The following KDM4B variants were observed in gnomAD, a reference collection of about 807,000 sequenced individuals.
KDM4B encodes the protein lysine-specific demethylase 4B.
A neutral mutation model predicts 125.2 loss-of-function variants in KDM4B; 32 were observed. The observed-to-expected ratio is 0.26, with a 90% CI of 0.19 to 0.34. The LOEUF (loss-of-function observed/expected upper bound fraction) is 0.34, where lower values mean the gene tolerates loss of function less well. Among genes scored for constraint, KDM4B ranks in the 10% least tolerant of loss-of-function variants. The probability of loss-of-function intolerance (pLI) is 1.00; values close to 1 mark genes in which losing one functional copy is unlikely to be tolerated. For synonymous variants in KDM4B, 721 were observed against 677.9 expected (o/e 1.06, Z -0.99); for missense variants, 1,190 against 1,577.7 (o/e 0.75, Z 4.16).
intron 1 of KDM4B, among the ~76,000 whole-genome samples, chr19:4,974,738 C>CA (rs796667578): frequency 0.11 from 7,390 of 69,208 alleles, 683 homozygotes; most frequent in African/African-American, 0.29. Context: ...ACTCTGTCTC[C>CA]AAAAAAAAAA....
In KDM4B at chr19:5,152,017, C is replaced by T. The variant is rs1212513852; in HGVS notation, c.*506C>T. 1 of 152,544 alleles carries T rather than the reference C, an allele frequency of 6.6e-6. No individual in the cohort carries two copies. Among genetic ancestry groups the T allele is most frequent in the Non-Finnish European group, 1.5e-5 (1 of 68,298 alleles). The allele number at this position is 152,544 out of a possible 1,614,324, so 9.4% of individuals were successfully genotyped here. Reference sequence around the variant, plus strand: ...ACCAGGATTCTCTGAGAGGTCAGAGCATCTCGCTGTTTTTTTGTTGTTGTT... The same window carrying T: ...ACCAGGATTCTCTGAGAGGTCAGAGTATCTCGCTGTTTTTTTGTTGTTGTT... On this transcript the variant is annotated 3_prime_UTR_variant, in exon 23 of 23. Transcript: ENST00000159111.
rs571783975 is a variant in KDM4B at position 4,985,628 on chromosome 19, C to T, written c.-109+16398C>T. Among the ~76,000 whole-genome samples, 5 of 152,342 alleles carry T rather than the reference C, an allele frequency of 3.3e-5. No individual in the cohort carries two copies. The East Asian group carries it at 5.8e-4, about 18-fold the overall frequency. ...GATGGAATTAAGGGATCTGGCCCCG[C>T]GTGCTGTGCCGGGTGAGAGGCGGGT... On this transcript the variant is annotated intron_variant, in intron 1 of 22. Transcript: ENST00000159111.
chr19:5,135,634 C>A, intron 15 of KDM4B, 73 bp downstream of exon 15: 6 of 1,311,368 alleles, frequency 4.6e-6, no homozygotes, highest in Non-Finnish European at 6.3e-6. Flanking sequence ...GGTGGGGGCT[C>A]CATCCTCCCC....
intron 1 of KDM4B, among the ~76,000 whole-genome samples, chr19:4,987,487 G>T (rs558416750): frequency 3.9e-5 from 6 of 152,098 alleles, no homozygotes; most frequent in South Asian, 2.1e-4. Flanking sequence ...CCGGAGGGGG[G>T]TTATCTCGGG....
chr19:5,047,425 AGGTTCT>A (rs780932462), intron 5 of KDM4B, 45 bp from the exon 6 acceptor site: 2 of 1,521,476 alleles, frequency 1.3e-6, no homozygotes, highest in African/African-American at 2.8e-5. Flanking sequence ...CAGGGCTCGC[AGGTTCT>A]GGGGGTGGCC....
chr19:5,062,174 C>T (rs529555342), intron 6 of KDM4B, among the ~76,000 whole-genome samples: 83 of 152,342 alleles, frequency 5.4e-4, no homozygotes, highest in Non-Finnish European at 1.6e-4. Flanking sequence ...GACATCTCCT[C>T]TCCCTCTCTC....
rs559750736 is a variant in KDM4B, at chr19:4,992,089, C to T, written c.-109+22859C>T. 1.7e-4 allele frequency among the ~76,000 whole-genome samples: 26 copies of T among 152,136 alleles called. 1 individual carries two copies. The South Asian group carries it at 4.6e-3, about 27-fold the overall frequency. On this transcript the variant is annotated intron_variant, in intron 1 of 22. Coordinates refer to ENST00000159111, the MANE Select transcript of KDM4B (RefSeq NM_015015.3). ...ATCCAAGGTTGCCAGGGCCTGGGGG[C>T]GACAGAGTGGAAGCAGAGTGAGTTC...
intron 1 of KDM4B, among the ~76,000 whole-genome samples, chr19:4,985,702 G>C (rs1568207250): frequency 6.6e-6 from 1 of 152,258 alleles, no homozygotes; most frequent in Non-Finnish European, 1.5e-5. Flanking sequence ...TGGAAGCCTG[G>C]ATGGTGAGCG....
At chr19:5,028,131 C>T (rs553591360) in intron 2 of KDM4B, among the ~76,000 whole-genome samples, 3 of 152,216 alleles carry the variant, frequency 2.0e-5, no homozygotes. Flanking sequence ...ACCACCATGC[C>T]TGGCTAATTT....
chr19:4,979,727 C>G (rs2034571916), intron 1 of KDM4B, among the ~76,000 whole-genome samples: 1 of 152,186 alleles, frequency 6.6e-6, no homozygotes, highest in Non-Finnish European at 1.5e-5. Context: ...GACAGCCTCC[C>G]TTAGAAATGA....
intron 9 of KDM4B, among the ~76,000 whole-genome samples, chr19:5,085,784 C>T (rs1004921091): frequency 3.9e-5 from 6 of 152,114 alleles, no homozygotes; most frequent in African/African-American, 2.4e-5. Context: ...CTGTGGCCGT[C>T]GGGGGGGTCG....
At chr19:4,978,308 A>C (rs1480276247) in intron 1 of KDM4B, among the ~76,000 whole-genome samples, 1 of 151,772 alleles carries the variant, frequency 6.6e-6, no homozygotes, top group Non-Finnish European at 1.5e-5. Flanking sequence ...GGAGTTCAAG[A>C]CCAGCCTGGC....
At chr19:5,034,562 C>T (rs1012958942) in intron 3 of KDM4B, among the ~76,000 whole-genome samples, 1 of 152,224 alleles carries the variant, frequency 6.6e-6, no homozygotes, top group African/African-American at 2.4e-5. Context: ...GCCTTCATAA[C>T]TCAAAGGCTA....
chr19:5,030,940 G>A (rs2036433388), intron 2 of KDM4B, among the ~76,000 whole-genome samples: 1 of 152,244 alleles, frequency 6.6e-6, no homozygotes, highest in Admixed American at 6.5e-5. Context: ...GAGGCCTGAG[G>A]TGACCGCGTT....
At chr19:4,999,389 T>C (rs1400500278) in intron 1 of KDM4B, among the ~76,000 whole-genome samples, 2 of 152,080 alleles carry the variant, frequency 1.3e-5, no homozygotes, top group African/African-American at 4.8e-5. Context: ...ACTGGGATGC[T>C]CCCAGCTCAT....
intron 1 of KDM4B, among the ~76,000 whole-genome samples, chr19:5,009,888 C>T (rs1212729283): frequency 1.2e-4 from 18 of 152,232 alleles, no homozygotes; most frequent in South Asian, 2.1e-4. Flanking sequence ...CCTTCCACTA[C>T]GCCTGGCTAA....
chr19:5,150,620 A>G (rs2039929901), intron 22 of KDM4B, among the ~76,000 whole-genome samples, 170 bp downstream of exon 22: 1 of 152,164 alleles, frequency 6.6e-6, no homozygotes, highest in South Asian at 2.1e-4. Context: ...GGCTCCTGGC[A>G]GGAGACCCTT....
At chr19:5,020,289 ATGT>A (rs2036070729) in intron 2 of KDM4B, among the ~76,000 whole-genome samples, 1 of 115,606 alleles carries the variant, frequency 8.7e-6, no homozygotes, top group African/African-American at 3.4e-5. Flanking sequence ...GATGGTGTAG[ATGT>A]TGGTGTGCAG....
At chr19:4,999,550 C>A (rs2035302407) in intron 1 of KDM4B, among the ~76,000 whole-genome samples, 1 of 152,150 alleles carries the variant, frequency 6.6e-6, no homozygotes, top group Non-Finnish European at 1.5e-5. Flanking sequence ...GTCCTCTAAT[C>A]AGACAGAGCT....
Sources: allele counts gnomAD v4.1 joint callset (sites outside exome capture counted in the v4.1 genomes callset), GRCh38; gene constraint gnomAD v4.1.1; transcripts MANE v1.5; gene names NCBI Gene and HGNC (gene_info 2026-07-23, HGNC 2026-07-21).